Variants in WASHC4 observed in about 807,000 individuals in gnomAD.
WASHC4 encodes WASH complex subunit 4, also known as WASH complex subunit 7.
Under a neutral mutation model 166.6 loss-of-function variants are expected in WASHC4, and 86 were observed. That is an observed-to-expected ratio of 0.52 (90% CI 0.43 to 0.62). The LOEUF (loss-of-function observed/expected upper bound fraction) is 0.62, where lower values mean the gene tolerates loss of function less well. Ranked by LOEUF, WASHC4 falls within the 20% of genes least tolerant of loss-of-function variation. The probability of loss-of-function intolerance (pLI) is 0.00; values close to 1 mark genes in which losing one functional copy is unlikely to be tolerated. For synonymous variants in WASHC4, 446 were observed against 451.6 expected, an observed-to-expected ratio of 0.99 and a Z score of 0.16; for missense variants, 1,262 against 1,382.4, an observed-to-expected ratio of 0.91 and a Z score of 1.38.
chr12:105,143,881 G>T (rs998055985), intron 20 of WASHC4, among the ~76,000 whole-genome samples: 2 of 151,752 alleles, frequency 1.3e-5, no homozygotes, highest in Admixed American at 6.6e-5. Flanking sequence ...TACATGCCTG[G>T]ATAGTAATTT....
intron 32 of WASHC4, among the ~76,000 whole-genome samples, chr12:105,166,471 T>C (rs2135850527): frequency 6.6e-6 from 1 of 152,318 alleles, no homozygotes; most frequent in South Asian, 2.1e-4. Context: ...GCCATGTTCC[T>C]ACCAGGAATG....
At chr12:105,166,050 G>A (rs1484595919) in intron 32 of WASHC4, among the ~76,000 whole-genome samples, 2 of 152,186 alleles carry the variant, frequency 1.3e-5, no homozygotes, top group African/African-American at 4.8e-5. Context: ...TCTGCGGGGC[G>A]ATTGGACATT....
chr12:105,137,749 A>G (rs925217705), intron 14 of WASHC4, 137 bp from the exon 15 acceptor site: 25 of 683,878 alleles, frequency 3.7e-5, no homozygotes, highest in African/African-American at 1.4e-4. Flanking sequence ...AGTATTTCCA[A>G]ATCTTAAGAG....
intron 6 of WASHC4, among the ~76,000 whole-genome samples, chr12:105,116,361 C>T (rs527855893): frequency 4.1e-4 from 62 of 152,238 alleles, no homozygotes; most frequent in African/African-American, 1.5e-3. Flanking sequence ...ACATACTGTT[C>T]AAATCTTTTA....
At chr12:105,123,087 G>A (rs115606409) in intron 10 of WASHC4, among the ~76,000 whole-genome samples, 5 of 152,230 alleles carry the variant, frequency 3.3e-5, no homozygotes, top group African/African-American at 7.2e-5. Context: ...GGCCAGGCAC[G>A]CAGATCACGT....
intron 1 of WASHC4, among the ~76,000 whole-genome samples, chr12:105,108,271 T>C (rs1287026252): frequency 3.9e-5 from 6 of 152,248 alleles, no homozygotes; most frequent in Admixed American, 3.3e-4. Context: ...CGCTGATGTC[T>C]GGGTTCCTGT....
chr12:105,124,978 T>C (rs1168366107), intron 10 of WASHC4, among the ~76,000 whole-genome samples: 3 of 152,374 alleles, frequency 2.0e-5, no homozygotes, highest in Non-Finnish European at 2.9e-5. Flanking sequence ...TAGCCACATA[T>C]AGTTAATGAC....
intron 22 of WASHC4, among the ~76,000 whole-genome samples, chr12:105,145,522 G>A (rs1430420317): frequency 6.6e-6 from 1 of 151,908 alleles, no homozygotes; most frequent in African/African-American, 2.4e-5. Context: ...TCTAGGATCA[G>A]TTTGTATATC....
At chr12:105,157,359 T>C (rs1274839628) in intron 28 of WASHC4, 37 bp downstream of exon 28, 1 of 1,195,628 alleles carries the variant, frequency 8.4e-7, no homozygotes, top group Admixed American at 1.7e-5. Flanking sequence ...AGTGTGTTTA[T>C]AAAAAACATT....
intron 23 of WASHC4, among the ~76,000 whole-genome samples, chr12:105,146,801 A>G (rs1335537286): frequency 6.6e-6 from 1 of 152,120 alleles, no homozygotes; most frequent in Admixed American, 6.5e-5. Context: ...AAAATCCAAA[A>G]TCTGAAATGC....
chr12:105,141,330 GA>G, intron 18 of WASHC4, 84 bp downstream of exon 18: 1 of 1,002,258 alleles, frequency 1.0e-6, no homozygotes, highest in South Asian at 1.3e-5. Context: ...AGCAAGAGAA[GA>G]AATAAAATTC....
intron 21 of WASHC4, 45 bp downstream of exon 21, chr12:105,144,500 T>C (rs778978307): frequency 6.4e-7 from 1 of 1,551,020 alleles, no homozygotes; most frequent in Non-Finnish European, 8.8e-7. Flanking sequence ...CTCTTTTTTT[T>C]TTTTTTTTAC....
At chr12:105,141,285 AG>A in intron 18 of WASHC4, 39 bp downstream of exon 18, 1 of 1,282,490 alleles carries the variant, frequency 7.8e-7, no homozygotes. Context: ...CTCCAAAGAC[AG>A]GGTTAATAGA....
intron 13 of WASHC4, among the ~76,000 whole-genome samples, chr12:105,130,285 C>T (rs1012133211): frequency 5.3e-5 from 8 of 152,212 alleles, no homozygotes; most frequent in Admixed American, 1.3e-4. Flanking sequence ...TATTCTGGTG[C>T]CTCTGCAGCA....
At chr12:105,114,473 GAAGC>G in intron 4 of WASHC4, 46 bp downstream of exon 4, 3 of 1,230,582 alleles carry the variant, frequency 2.4e-6, no homozygotes, top group Non-Finnish European at 3.5e-6. Context: ...ACATCATTTA[GAAGC>G]AAGTATGTGT....
chr12:105,111,166 C>A lies in WASHC4; in HGVS notation c.103C>A (p.Leu35Ile). ...CCAACTTAAGAATTATGGGAAATTT[C>A]TTGAGGAGTATACCTCTCAACTGAG... ...EVQLKNYGKF[L>I]EEYTSQLRRI... Residue 35 changes from leucine to isoleucine, a missense_variant, in exon 2 of 33, where the codon CTT becomes ATT. Physicochemically the swap from Leu to Ile is conservative, Grantham distance 5. Transcript: ENST00000332180. 8.1e-6 allele frequency: 13 copies of A among 1,607,320 alleles called. No homozygotes were observed. Among genetic ancestry groups the A allele is most frequent in the Non-Finnish European group, 9.4e-6 (11 of 1,174,412 alleles).
At chr12:105,137,421 A>G (rs1882423745) in intron 14 of WASHC4, among the ~76,000 whole-genome samples, 1 of 152,150 alleles carries the variant, frequency 6.6e-6, no homozygotes. Flanking sequence ...TTCTTTGCCT[A>G]TCTGTATTGA....
chr12:105,116,921 A>G (rs1004668516), intron 6 of WASHC4, among the ~76,000 whole-genome samples: 2 of 152,192 alleles, frequency 1.3e-5, no homozygotes, highest in African/African-American at 4.8e-5. Flanking sequence ...CATGAAACTG[A>G]TGCCTATGCT....
chr12:105,145,748 T>G (rs1883238193), intron 22 of WASHC4, among the ~76,000 whole-genome samples: 1 of 152,146 alleles, frequency 6.6e-6, no homozygotes. Context: ...ATTGTGATGC[T>G]CCTTTGAGCT....
Sources: allele counts gnomAD v4.1 joint callset (sites outside exome capture counted in the v4.1 genomes callset), GRCh38; gene constraint gnomAD v4.1.1; transcripts MANE v1.5; gene names NCBI Gene and HGNC (gene_info 2026-07-23, HGNC 2026-07-21).